The following CACNA2D1 variants were observed in gnomAD, a reference collection of about 807,000 sequenced individuals.
CACNA2D1 encodes voltage-dependent calcium channel subunit alpha-2/delta-1.
In CACNA2D1, 53 loss-of-function variants were observed where a neutral mutation model predicts 171.5. The ratio of observed to expected loss-of-function variants is 0.31; its 90% CI spans 0.25 to 0.39. The LOEUF (loss-of-function observed/expected upper bound fraction) is 0.39, where lower values mean the gene tolerates loss of function less well. Ranked by LOEUF, CACNA2D1 falls within the 10% of genes least tolerant of loss-of-function variation. CACNA2D1 has a pLI of 1.00. For missense variants in CACNA2D1, 903 were observed against 1,299.8 expected, an observed-to-expected ratio of 0.69 and a Z score of 4.69; for synonymous variants, 442 against 443.1, an observed-to-expected ratio of 1.00 and a Z score of 0.03.
chr7:82,171,042 T>C (rs1317968897), intron 3 of CACNA2D1, among the ~76,000 whole-genome samples: 2 of 152,190 alleles, frequency 1.3e-5, no homozygotes, highest in African/African-American at 2.4e-5. Flanking sequence ...AGGCACCTTC[T>C]TAAATGCATA....
In CACNA2D1 at chr7:82,080,071, ATATATATG is replaced by A. The variant is rs1584668147; in HGVS notation, c.658+4690_658+4697del. On this transcript the variant is annotated intron_variant, in intron 7 of 38. Transcript: ENST00000356860. ...TATATATGTGTGTATATATATACGT[ATATATATG>A]CGTACATATGTATAGATGTGTGTAT... 4.8e-5 allele frequency among the ~76,000 whole-genome samples: 7 copies of A among 147,362 alleles called. No homozygotes were observed. The East Asian group carries it at 1.4e-3, about 29-fold the overall frequency.
At chr7:81,960,553 A>G (rs1356109778) in intron 36 of CACNA2D1, among the ~76,000 whole-genome samples, 2 of 152,120 alleles carry the variant, frequency 1.3e-5, no homozygotes, top group Admixed American at 1.3e-4. Flanking sequence ...TAAAAAATGT[A>G]AATATATCAC....
At chr7:82,001,132 C>T (rs535501405) in intron 18 of CACNA2D1, among the ~76,000 whole-genome samples, 21 of 152,148 alleles carry the variant, frequency 1.4e-4, no homozygotes, top group African/African-American at 3.1e-4. Context: ...GAAAAGCTTT[C>T]GCAATGAGTT....
intron 5 of CACNA2D1, among the ~76,000 whole-genome samples, chr7:82,127,827 T>A (rs1032202513): frequency 3.3e-5 from 5 of 152,184 alleles, no homozygotes; most frequent in African/African-American, 1.2e-4. Flanking sequence ...TTCTTACATA[T>A]CCAGTAAGGC....
At chr7:82,001,624 A>G (rs756744856) in intron 18 of CACNA2D1, 7 of 851,328 alleles carry the variant, frequency 8.2e-6, no homozygotes, top group Non-Finnish European at 1.7e-6. Flanking sequence ...AGCAAATTTG[A>G]AAGCACTGTT....
chr7:82,335,258 G>GAA lies in CACNA2D1; in HGVS notation c.178-9_178-8dup. On this transcript the variant is annotated splice_region_variant and splice_polypyrimidine_tract_variant and intron_variant, in intron 2 of 38. Coordinates refer to ENST00000356860, the MANE Select transcript of CACNA2D1 (RefSeq NM_000722.4). ...CTTGATATTTCTCATAAATCTGTGTGAAAGAAAAAAAAAACTAGTAAGAAC... is the reference window on the plus strand; with the variant it reads ...CTTGATATTTCTCATAAATCTGTGTGAAAAAGAAAAAAAAAACTAGTAAGAAC... The GAA allele has an allele frequency of 6.7e-7, 1 of 1,484,576 alleles. No homozygotes were observed. The highest frequency in any genetic ancestry group is 1.8e-5 in the Admixed American group (1 of 56,324). 92.0% of individuals were successfully genotyped at this position (1,484,576 alleles called of 1,614,324 possible). A position where few individuals can be genotyped will look rare whatever the true frequency, so the allele number is the denominator to read the frequency against.
At chr7:81,970,048 G>A in intron 27 of CACNA2D1, 64 bp from the exon 28 acceptor site, 1 of 972,984 alleles carries the variant, frequency 1.0e-6, no homozygotes, top group Non-Finnish European at 1.7e-6. Flanking sequence ...TTTATCCTAT[G>A]TGGACTTGCT....
chr7:82,424,034 T>C (rs1422222965), intron 1 of CACNA2D1, among the ~76,000 whole-genome samples: 1 of 152,214 alleles, frequency 6.6e-6, no homozygotes, highest in Non-Finnish European at 1.5e-5. Flanking sequence ...CACAAAAATA[T>C]ACCTTTGCAA....
At chr7:82,149,796 A>AAAAAAAAAAAGAAAAG (rs1793595825) in intron 4 of CACNA2D1, among the ~76,000 whole-genome samples, 1 of 136,770 alleles carries the variant, frequency 7.3e-6, no homozygotes, top group African/African-American at 2.6e-5. Context: ...ACAAACAACA[A>AAAAAAAAAAAGAAAAG]AAAAAAAAAC....
At chr7:82,009,964 T>G (rs1366980935) in intron 15 of CACNA2D1, among the ~76,000 whole-genome samples, 1 of 152,088 alleles carries the variant, frequency 6.6e-6, no homozygotes, top group Non-Finnish European at 1.5e-5. Context: ...TCTCCCCTTA[T>G]TACCAAAAAT....
At chr7:81,966,759 C>T (rs998746997) in intron 31 of CACNA2D1, among the ~76,000 whole-genome samples, 1 of 151,200 alleles carries the variant, frequency 6.6e-6, no homozygotes, top group Admixed American at 6.6e-5. Flanking sequence ...AACATTTTTC[C>T]TGTAACTATA....
At chr7:82,083,243 T>G (rs1366553845) in intron 7 of CACNA2D1, among the ~76,000 whole-genome samples, 1 of 152,080 alleles carries the variant, frequency 6.6e-6, no homozygotes, top group Non-Finnish European at 1.5e-5. Context: ...TGTAAGTTAC[T>G]GACAAATATA....
At chr7:82,438,915 C>A (rs1830295923) in intron 1 of CACNA2D1, among the ~76,000 whole-genome samples, 1 of 152,226 alleles carries the variant, frequency 6.6e-6, no homozygotes, top group Non-Finnish European at 1.5e-5. Context: ...TACTGAAATT[C>A]TGATTTTTTT....
At chr7:82,116,216 T>C (rs1789023319) in intron 6 of CACNA2D1, among the ~76,000 whole-genome samples, 2 of 152,162 alleles carry the variant, frequency 1.3e-5, no homozygotes, top group Admixed American at 1.3e-4. Context: ...ATAAATAATA[T>C]GGAAGACCAG....
At chr7:82,002,953 T>C (rs1044693390) in intron 18 of CACNA2D1, among the ~76,000 whole-genome samples, 1 of 152,134 alleles carries the variant, frequency 6.6e-6, no homozygotes, top group Non-Finnish European at 1.5e-5. Flanking sequence ...GCTATAGATA[T>C]AGCATTATTT....
intron 3 of CACNA2D1, among the ~76,000 whole-genome samples, chr7:82,300,557 T>C (rs1812871043): frequency 6.6e-6 from 1 of 152,176 alleles, no homozygotes. Context: ...ACCGTAAGTA[T>C]GCAGGAAAGA....
chr7:82,426,878 C>T (rs900128640), intron 1 of CACNA2D1, among the ~76,000 whole-genome samples: 1 of 152,144 alleles, frequency 6.6e-6, no homozygotes, highest in Non-Finnish European at 1.5e-5. Flanking sequence ...CGACCAAAGT[C>T]CAAAAGTGCT....
chr7:81,995,366 T>G (rs1235823262), intron 19 of CACNA2D1, among the ~76,000 whole-genome samples: 1 of 152,166 alleles, frequency 6.6e-6, no homozygotes, highest in African/African-American at 2.4e-5. Flanking sequence ...AGAGGACTCT[T>G]TACACTTTTT....
chr7:82,393,782 G>A (rs769925227), intron 1 of CACNA2D1, among the ~76,000 whole-genome samples: 88 of 152,062 alleles, frequency 5.8e-4, no homozygotes, highest in African/African-American at 1.7e-3. Flanking sequence ...CCTAATATTC[G>A]AAAATTTAAA....
Sources: gnomAD v4.1 joint callset for allele counts (sites outside exome capture counted in the v4.1 genomes callset) on GRCh38, gnomAD v4.1.1 for gene constraint, MANE v1.5 for transcripts, NCBI Gene and HGNC (gene_info 2026-07-23, HGNC 2026-07-21) for gene names.